Variants in DNAH6 observed in about 807,000 individuals in gnomAD.
DNAH6 encodes axonemal beta dynein heavy chain 6.
A neutral mutation model predicts 491.4 loss-of-function variants in DNAH6; 340 were observed. That is an observed-to-expected ratio of 0.69 (90% CI 0.63 to 0.76). DNAH6 has a LOEUF of 0.76. DNAH6 is among the 30% of genes least tolerant of loss of function. The pLI is 0.00. For missense variants in DNAH6, 4,443 were observed against 4,972.2 expected, an observed-to-expected ratio of 0.89 and a Z score of 3.20; for synonymous variants, 1,603 against 1,686.1, an observed-to-expected ratio of 0.95 and a Z score of 1.21.
intron 35 of DNAH6, among the ~76,000 whole-genome samples, chr2:84,656,241 A>G (rs1371249974): frequency 6.6e-6 from 1 of 152,090 alleles, no homozygotes; most frequent in Non-Finnish European, 1.5e-5. Flanking sequence ...TATGAATTAA[A>G]CTCTTAATAA....
intron 29 of DNAH6, among the ~76,000 whole-genome samples, chr2:84,626,595 A>G (rs1191390800): frequency 2.0e-5 from 3 of 151,896 alleles, no homozygotes; most frequent in Non-Finnish European, 2.9e-5. Context: ...TTCTAGAACC[A>G]TTATTTTTCT....
chr2:84,588,870 G>T lies in DNAH6; in HGVS notation c.2526G>T (p.Arg842Ser). The T allele has an allele frequency of 1.9e-6, 3 of 1,550,658 alleles. No homozygotes were observed. The highest frequency in any genetic ancestry group is 1.7e-4 in the Middle Eastern group (1 of 5,988). Residue 842 changes from arginine (R) to serine (S), a missense_variant, in exon 16 of 77, where the codon AGG (arginine) becomes AGT (serine). Around this residue, in one of 3 missense-constraint regions of DNAH6, gnomAD observed 2,977 missense variants for 3,296.6 expected, o/e 0.90. Coordinates refer to ENST00000389394, the MANE Select transcript of DNAH6 (RefSeq NM_001370.2). ...TCTCTGCTGACCAAGACAAAATAAGGCTCATATTGAATAATCTGCAATCTG... is the reference window on the plus strand; with the variant it reads ...TCTCTGCTGACCAAGACAAAATAAGTCTCATATTGAATAATCTGCAATCTG... ...LDISADQDKI[R>S]LILNNLQSVL...
In DNAH6 at chr2:84,669,424, GAC is replaced by G. The variant is rs1440252675; in HGVS notation, c.6224_6225del (p.Thr2075SerfsTer37). On this transcript the variant is annotated frameshift_variant, in exon 38 of 77. Coordinates refer to ENST00000389394, the MANE Select transcript of DNAH6 (RefSeq NM_001370.2). LOFTEE classifies it high-confidence loss of function. ...TTTTGAAATGCTTGTCCCCACAACT[GAC>G]ACAGTGCGCTATGGGTATCTAATGG... ...PFFEMLVPTT[D>X]TVRYGYLMEK... 6.4e-7 allele frequency: 1 copy of G among 1,551,924 alleles called. No individual in the cohort carries two copies. Among genetic ancestry groups the G allele is most frequent in the Non-Finnish European group, 8.7e-7 (1 of 1,147,072 alleles).
At chr2:84,734,188 C>T (rs1395010890) in intron 62 of DNAH6, among the ~76,000 whole-genome samples, 1 of 148,232 alleles carries the variant, frequency 6.7e-6, no homozygotes, top group East Asian at 2.0e-4. Flanking sequence ...TGTTCTGTCG[C>T]CCAGGCTGGA....
chr2:84,804,355 A>T (rs183130177), intron 70 of DNAH6, among the ~76,000 whole-genome samples: 1 of 152,250 alleles, frequency 6.6e-6, no homozygotes, highest in Non-Finnish European at 1.5e-5. Flanking sequence ...AGCATGGTTC[A>T]TGAGGATTTT....
intron 4 of DNAH6, among the ~76,000 whole-genome samples, chr2:84,531,869 C>T (rs535153090): frequency 7.2e-4 from 109 of 152,206 alleles, no homozygotes; most frequent in African/African-American, 2.6e-3. Context: ...ATTCCTACCA[C>T]TACTTTACTC....
chr2:84,799,699 G>A (rs942186966), intron 70 of DNAH6, among the ~76,000 whole-genome samples: 1 of 152,184 alleles, frequency 6.6e-6, no homozygotes, highest in Non-Finnish European at 1.5e-5. Flanking sequence ...ACAGTCTTTG[G>A]TGCAAAGCAC....
intron 37 of DNAH6, among the ~76,000 whole-genome samples, chr2:84,662,509 C>T (rs1691617676): frequency 6.6e-6 from 1 of 152,206 alleles, no homozygotes; most frequent in African/African-American, 2.4e-5. Flanking sequence ...TCACTGCTAG[C>T]ACAGCAGTCT....
chr2:84,763,714 A>ATG (rs70953906), intron 64 of DNAH6, among the ~76,000 whole-genome samples: 6,408 of 126,760 alleles, frequency 0.051, 194 homozygotes, highest in East Asian at 0.08. Flanking sequence ...AACTGATAGG[A>ATG]TGTGTGTGTG....
intron 64 of DNAH6, among the ~76,000 whole-genome samples, 191 bp from the exon 65 acceptor site, chr2:84,781,302 T>C (rs777403946): frequency 3.9e-5 from 6 of 152,192 alleles, no homozygotes; most frequent in Non-Finnish European, 8.8e-5. Context: ...TTTTTGCACT[T>C]TTCTATGTGG....
chr2:84,806,693 G>A (rs1048249243), intron 71 of DNAH6, among the ~76,000 whole-genome samples: 2 of 150,722 alleles, frequency 1.3e-5, no homozygotes, highest in Admixed American at 6.6e-5. Flanking sequence ...TTCTTAGATC[G>A]ATAGGAGATT....
chr2:84,662,680 G>C (rs1293006217), intron 37 of DNAH6, among the ~76,000 whole-genome samples: 8 of 152,140 alleles, frequency 5.3e-5, no homozygotes, highest in African/African-American at 1.9e-4. Context: ...CTGGGGGCAG[G>C]GCATAGCTGA....
rs970914722 is a variant in DNAH6, at chr2:84,705,383, T to A, written c.8466-103T>A. On this transcript the variant is annotated intron_variant, in intron 51 of 76. Transcript: ENST00000389394. ...AATTATAGTACCAAGATTAAAATTA[T>A]CCACTTATTGGGATAATATCATAAT... is the stretch of plus-strand genomic sequence containing the variant. 3.6e-6 allele frequency: 4 copies of A among 1,113,920 alleles called. No individual in the cohort carries two copies. In the African/African-American group the frequency reaches 6.3e-5, roughly 17 times the overall value. 69.0% of individuals were successfully genotyped at this position (1,113,920 alleles called of 1,614,324 possible).
chr2:84,533,492 A>G (rs1257870205), intron 4 of DNAH6, among the ~76,000 whole-genome samples: 1 of 152,142 alleles, frequency 6.6e-6, no homozygotes, highest in Non-Finnish European at 1.5e-5. Flanking sequence ...TTTGAAGATA[A>G]GAATACAATA....
chr2:84,571,812 A>C (rs1178146408), intron 11 of DNAH6, among the ~76,000 whole-genome samples: 1 of 151,710 alleles, frequency 6.6e-6, no homozygotes, highest in Non-Finnish European at 1.5e-5. Context: ...CCAGCTACCC[A>C]GGAGACTGAG....
At chr2:84,716,967 C>G (rs960923066) in intron 58 of DNAH6, among the ~76,000 whole-genome samples, 2 of 152,182 alleles carry the variant, frequency 1.3e-5, no homozygotes, top group Admixed American at 6.5e-5. Flanking sequence ...ACACATTGTG[C>G]TCAATTTCTC....
chr2:84,488,341 C>G, the DNAH6 span, among the ~76,000 whole-genome samples: 9 of 148,634 alleles, frequency 6.1e-5, no homozygotes, highest in Non-Finnish European at 1.3e-4. Flanking sequence ...CTAACCTGCA[C>G]AATGTGCACA....
At chr2:84,613,417 G>A (rs540718220) in intron 22 of DNAH6, among the ~76,000 whole-genome samples, 4 of 152,192 alleles carry the variant, frequency 2.6e-5, no homozygotes, top group African/African-American at 7.2e-5. Flanking sequence ...TGGGGACTGG[G>A]CATCAGACTG....
Position 84,793,198 on chromosome 2 carries a change from A to G in DNAH6, c.11240-3108A>G, listed in dbSNP as rs549186056. On this transcript the variant is annotated intron_variant, in intron 68 of 76. Coordinates refer to ENST00000389394, the MANE Select transcript of DNAH6 (RefSeq NM_001370.2). ...GGATGGTGGACACCACCACACACACACACGCATGCACACACGTACACACAC... is the reference window on the plus strand; with the variant it reads ...GGATGGTGGACACCACCACACACACGCACGCATGCACACACGTACACACAC... Among the ~76,000 whole-genome samples, 235 of 148,408 alleles carry G rather than the reference A, an allele frequency of 1.6e-3. 2 individuals carry two copies. The highest frequency in any genetic ancestry group is 5.6e-3 in the African/African-American group (219 of 38,800).
Sources: allele counts gnomAD v4.1 joint callset (sites outside exome capture counted in the v4.1 genomes callset), GRCh38; gene constraint gnomAD v4.1.1; regional missense constraint gnomAD v4.1.1; transcripts MANE v1.5; gene names NCBI Gene and HGNC (gene_info 2026-07-23, HGNC 2026-07-21).